ANK1: variants seen among roughly 807,000 people sequenced by gnomAD.
ANK1 encodes ankyrin 1.
ANK1 carries 51 observed loss-of-function variants against 210.4 expected under a neutral mutation model. The observed-to-expected ratio is 0.24, with a 90% CI of 0.19 to 0.31. The LOEUF is 0.31. Among genes scored for constraint, ANK1 ranks in the 10% least tolerant of loss-of-function variants. The probability of loss-of-function intolerance (pLI) is 1.00; values close to 1 mark genes in which losing one functional copy is unlikely to be tolerated. For missense variants in ANK1, 2,051 were observed against 2,504.4 expected, an observed-to-expected ratio of 0.82 and a Z score of 3.86; for synonymous variants, 967 against 1,025.9, an observed-to-expected ratio of 0.94 and a Z score of 1.10.
chr8:41,697,032 C>T (rs1013081939), intron 24 of ANK1, among the ~76,000 whole-genome samples: 3 of 152,182 alleles, frequency 2.0e-5, no homozygotes, highest in Admixed American at 6.5e-5. Context: ...AGCCAGTCCT[C>T]ACTGTTCAGT....
chr8:41,797,490 C>T lies in ANK1; in HGVS notation c.27+22G>A, dbSNP rs1035995121. ...CCCTCCTGACATCTCCCCGTCCACC[C>T]GAGCAGCCGCCCAGTACTCACTTCG... On this transcript the variant is annotated intron_variant, in intron 1 of 42. Transcript: ENST00000289734. This position sits in a 1 kb window ranked among gnomAD's most constrained non-coding sequence, Gnocchi z 4.0. 1.9e-6 allele frequency: 3 copies of T among 1,610,450 alleles called. No homozygotes were observed. The South Asian group carries it at 3.3e-5, about 18-fold the overall frequency.
chr8:41,803,846 T>C (rs1359634424), intron 1 of ANK1, among the ~76,000 whole-genome samples: 1 of 152,192 alleles, frequency 6.6e-6, no homozygotes. Flanking sequence ...AATGCTAAAC[T>C]ATCCTTCCAT....
At chr8:41,887,520 A>C (rs997979055) in intron 1 of ANK1, among the ~76,000 whole-genome samples, 1 of 152,052 alleles carries the variant, frequency 6.6e-6, no homozygotes, top group African/African-American at 2.4e-5. Context: ...CGGCCTCCCA[A>C]AATGCTGGGA....
chr8:41,874,781 A>C (rs1816249004), intron 1 of ANK1, among the ~76,000 whole-genome samples: 1 of 152,130 alleles, frequency 6.6e-6, no homozygotes, highest in Non-Finnish European at 1.5e-5. Flanking sequence ...CTTGTCTCCC[A>C]CTGCTTCTCC....
At chr8:41,705,330 C>G (rs1291684492) in intron 18 of ANK1, among the ~76,000 whole-genome samples, 1 of 152,206 alleles carries the variant, frequency 6.6e-6, no homozygotes, top group Non-Finnish European at 1.5e-5. Context: ...GTGCAGGACC[C>G]CAAAAGACTA....
At chr8:41,888,104 G>A (rs144673722) in intron 1 of ANK1, among the ~76,000 whole-genome samples, 2,334 of 152,314 alleles carry the variant, frequency 0.015, 55 homozygotes, top group African/African-American at 0.053. Context: ...TGCAAGCCCC[G>A]CAGCTGCCCC....
At chr8:41,706,769 A>G (rs1824702703) in intron 17 of ANK1, among the ~76,000 whole-genome samples, 1 of 152,198 alleles carries the variant, frequency 6.6e-6, no homozygotes, top group East Asian at 1.9e-4. Context: ...GGAGCGCTGG[A>G]GAAAGCACAG....
chr8:41,895,831 G>C (rs188828506), intron 1 of ANK1, among the ~76,000 whole-genome samples: 1 of 152,170 alleles, frequency 6.6e-6, no homozygotes. Flanking sequence ...CCCGACTCTC[G>C]TTCAGAGACA....
intron 1 of ANK1, among the ~76,000 whole-genome samples, chr8:41,837,409 A>T (rs1026172267): frequency 1.3e-5 from 2 of 152,178 alleles, no homozygotes; most frequent in African/African-American, 4.8e-5. Context: ...TTGGGGGGGA[A>T]ACACACTGAC....
chr8:41,765,865 C>T (rs1841668600), intron 1 of ANK1, among the ~76,000 whole-genome samples: 2 of 152,146 alleles, frequency 1.3e-5, no homozygotes, highest in Admixed American at 1.3e-4. Flanking sequence ...TGTCAACATG[C>T]TGTCACCCAT....
intron 16 of ANK1, among the ~76,000 whole-genome samples, chr8:41,712,926 G>A (rs2150629338): frequency 6.6e-6 from 1 of 152,280 alleles, no homozygotes; most frequent in East Asian, 1.9e-4. Flanking sequence ...TCGCAGCGGG[G>A]CCGTGTGCTC....
At chr8:41,678,662 T>C (rs1814978960) in intron 37 of ANK1, among the ~76,000 whole-genome samples, 1 of 152,270 alleles carries the variant, frequency 6.6e-6, no homozygotes, top group Non-Finnish European at 1.5e-5. Context: ...ATCCTACACA[T>C]TCATCTCTAG....
chr8:41,714,933 C>G, intron 15 of ANK1, 43 bp downstream of exon 15: 1 of 1,593,230 alleles, frequency 6.3e-7, no homozygotes, highest in Non-Finnish European at 8.6e-7. Context: ...CTGTCCTTGC[C>G]TCTAACCTGA....
chr8:41,789,821 A>G (rs992547031), intron 1 of ANK1, among the ~76,000 whole-genome samples: 1 of 152,200 alleles, frequency 6.6e-6, no homozygotes, highest in Admixed American at 6.5e-5. Context: ...TAGTTTCAAT[A>G]CCACGTTAAG....
At position 41,698,125 on chromosome 8, in the gene ANK1, C is replaced by G. The variant is rs542987394; in HGVS notation, c.2559-4G>C. 33 of 1,613,846 alleles carry G rather than the reference C, an allele frequency of 2.0e-5. No homozygotes were observed. The highest frequency in any genetic ancestry group is 6.7e-5 in the Admixed American group (4 of 59,996). ...GGGGATGGCTGGAGATTCCACCCTG[C>G]GTGCCAAGAACACCAGAACATCACA... On this transcript the variant is annotated splice_polypyrimidine_tract_variant and splice_region_variant and intron_variant, in intron 23 of 42. Coordinates refer to ENST00000289734, the MANE Select transcript of ANK1 (RefSeq NM_000037.4).
intron 39 of ANK1, 31 bp downstream of exon 39, chr8:41,668,236 C>G (rs200180654): frequency 2.7e-5 from 43 of 1,613,784 alleles, no homozygotes; most frequent in Admixed American, 5.0e-5. Flanking sequence ...TGGGAAGGAA[C>G]AGCAGCACGC....
At chr8:41,843,474 G>C (rs1445584083) in intron 1 of ANK1, among the ~76,000 whole-genome samples, 3 of 151,674 alleles carry the variant, frequency 2.0e-5, no homozygotes, top group Non-Finnish European at 4.4e-5. Flanking sequence ...TTAAAGGGGG[G>C]GCCCTGCAGC....
rs1199786994 is a variant in ANK1, at chr8:41,703,478, T to A, written c.2295+563A>T. 8.3e-5 allele frequency among the ~76,000 whole-genome samples: 11 copies of A among 132,502 alleles called. No homozygotes were observed. In the East Asian group the frequency reaches 2.4e-3, roughly 29 times the overall value. 86.9% of individuals were successfully genotyped at this position (132,502 alleles called of 152,430 possible). Reference sequence around the variant, plus strand: ...TTTTTTTTTTTTTTAAGACACAAGGTCTTGCTCTGTCTTCCAGGCTGGATG... The same window carrying A: ...TTTTTTTTTTTTTTAAGACACAAGGACTTGCTCTGTCTTCCAGGCTGGATG... On this transcript the variant is annotated intron_variant, in intron 20 of 42. Transcript: ENST00000289734.
At position 41,706,655 on chromosome 8, in the gene ANK1, G is replaced by A. The variant is rs538679638; in HGVS notation, c.1999-414C>T. ...TCGTTGGTGCTTTATGGACTTCCCAGTAAAGAATGCCCCATTTCCATGGTG... is the reference window on the plus strand; with the variant it reads ...TCGTTGGTGCTTTATGGACTTCCCAATAAAGAATGCCCCATTTCCATGGTG... On this transcript the variant is annotated intron_variant, in intron 17 of 42. Coordinates refer to ENST00000289734, the MANE Select transcript of ANK1 (RefSeq NM_000037.4). Among the ~76,000 whole-genome samples, 27 of 152,324 alleles carry A rather than the reference G, an allele frequency of 1.8e-4. No individual in the cohort carries two copies. In the South Asian group the frequency reaches 5.4e-3, roughly 30 times the overall value.
Sources: allele counts gnomAD v4.1 joint callset (sites outside exome capture counted in the v4.1 genomes callset), GRCh38; gene constraint gnomAD v4.1.1; non-coding constraint Gnocchi (gnomAD v3.1); transcripts MANE v1.5; gene names NCBI Gene and HGNC (gene_info 2026-07-23, HGNC 2026-07-21).